GPR161: variants seen among roughly 807,000 people sequenced by gnomAD.
GPR161 encodes the protein G protein-coupled receptor 161.
GPR161 carries 25 observed loss-of-function variants against 39.2 expected under a neutral mutation model. That is an observed-to-expected ratio of 0.64 (90% CI 0.47 to 0.89). The LOEUF (loss-of-function observed/expected upper bound fraction) is 0.89. GPR161 is among the 40% of genes least tolerant of loss of function. The pLI, the probability that GPR161 is intolerant of heterozygous loss-of-function variation, is 0.00. For missense variants in GPR161, 547 were observed against 677.8 expected, an observed-to-expected ratio of 0.81 and a Z score of 2.14; for synonymous variants, 286 against 276.6, an observed-to-expected ratio of 1.03 and a Z score of -0.34.
intron 1 of GPR161, among the ~76,000 whole-genome samples, chr1:168,110,611 A>G (rs530489717): frequency 1.3e-5 from 2 of 151,142 alleles, no homozygotes; most frequent in East Asian, 3.9e-4. Flanking sequence ...CAATAAAACC[A>G]ATACAAGTAA....
intron 1 of GPR161, chr1:168,134,994 C>T: frequency 6.5e-7 from 1 of 1,535,254 alleles, no homozygotes; most frequent in African/African-American, 1.4e-5. Context: ...CCTCTGACCA[C>T]ACAGTGCTCC....
Position 168,085,948 on chromosome 1 carries a change from T to A in GPR161, c.1325-152A>T, listed in dbSNP as rs1056303198. 7.9e-6 allele frequency: 5 copies of A among 629,208 alleles called. No homozygotes were observed. In the African/African-American group the frequency reaches 9.2e-5, roughly 12 times the overall value. The allele number at this position is 629,208 out of a possible 1,614,324, so 39.0% of individuals were successfully genotyped here. On this transcript the variant is annotated intron_variant, in intron 5 of 5. Coordinates refer to ENST00000682931, the MANE Select transcript of GPR161 (RefSeq NM_001375883.1). ...AAAGTTCCATTCCTAGACCAAAAGC[T>A]GACTCCCTGACTTCCTACCTGGGAA...
At chr1:168,113,595 A>T (rs1254405902) in intron 1 of GPR161, among the ~76,000 whole-genome samples, 1 of 152,238 alleles carries the variant, frequency 6.6e-6, no homozygotes, top group African/African-American at 2.4e-5. Flanking sequence ...AGTGCCCATC[A>T]ATGATAGACT....
At chr1:168,137,443 C>T (rs1217793405), upstream of GPR161, 1 of 1,502,592 alleles carries the variant, frequency 6.7e-7, no homozygotes, top group Non-Finnish European at 9.0e-7. Flanking sequence ...CTGCCAGGCT[C>T]TGTCCCGGGC....
At chr1:168,128,662 T>C (rs1698768046) in intron 1 of GPR161, among the ~76,000 whole-genome samples, 1 of 152,338 alleles carries the variant, frequency 6.6e-6, no homozygotes, top group African/African-American at 2.4e-5. Context: ...ATTACTTCTA[T>C]CACAAGATAA....
intron 1 of GPR161, among the ~76,000 whole-genome samples, chr1:168,129,647 A>G (rs561059493): frequency 1.8e-4 from 27 of 152,346 alleles, no homozygotes; most frequent in African/African-American, 6.5e-4. Context: ...AGACGCCAAC[A>G]TTTTGGAGCT....
intron 1 of GPR161, 160 bp from the exon 2 acceptor site, chr1:168,105,054 G>A (rs1489833152): frequency 8.4e-6 from 5 of 598,672 alleles, no homozygotes; most frequent in Middle Eastern, 4.4e-4. Context: ...CGCTACATAA[G>A]TGGGCCATTT....
chr1:168,105,117 G>A (rs566987184), intron 1 of GPR161, among the ~76,000 whole-genome samples: 4 of 152,176 alleles, frequency 2.6e-5, no homozygotes, highest in East Asian at 1.9e-4. Context: ...TTCTTCCTCT[G>A]GTCTAACCCA....
chr1:168,116,089 C>A (rs1347560885), intron 1 of GPR161, among the ~76,000 whole-genome samples: 2 of 152,142 alleles, frequency 1.3e-5, no homozygotes, highest in African/African-American at 2.4e-5. Context: ...AAAATAGTTT[C>A]TTTTATCATA....
chr1:168,135,863 G>T, intron 1 of GPR161: 2 of 219,220 alleles, frequency 9.1e-6, no homozygotes, highest in Non-Finnish European at 1.6e-5. Flanking sequence ...CAAATGACCT[G>T]CTCTATGAAA....
chr1:168,136,366 G>A (rs1699373059), intron 1 of GPR161: 1 of 1,464,028 alleles, frequency 6.8e-7, no homozygotes, highest in South Asian at 1.3e-5. Context: ...CGCATCGGCA[G>A]AGTCCCGGGC....
chr1:168,096,863 AGAG>A lies in GPR161; in HGVS notation c.741_743del (p.Ser249del). ...GAAAGGCATTCCTCCTGCTGCCTGA[AGAG>A]GAGGTGGAGGTGCTGGAGTTCTTCC... On this transcript the variant is annotated inframe_deletion, in exon 3 of 6. Coordinates refer to ENST00000682931, the MANE Select transcript of GPR161 (RefSeq NM_001375883.1). The A allele has an allele frequency of 6.2e-7, 1 of 1,614,144 alleles. No homozygotes were observed. The highest frequency in any genetic ancestry group is 8.5e-7 in the Non-Finnish European group (1 of 1,180,010).
At chr1:168,136,017 A>T (rs1483638846) in intron 1 of GPR161, 11 of 1,228,824 alleles carry the variant, frequency 9.0e-6, no homozygotes, top group African/African-American at 1.6e-5. Flanking sequence ...TACCCAACAG[A>T]CGTTCTCATC....
At position 168,098,067 on chromosome 1, in the gene GPR161, C is replaced by G. The variant is rs1364193312; in HGVS notation, c.375-835G>C. Among the ~76,000 whole-genome samples, 2 of 152,154 alleles carry G rather than the reference C, an allele frequency of 1.3e-5. No homozygotes were observed. The highest frequency in any genetic ancestry group is 4.8e-5 in the African/African-American group (2 of 41,430). Reference sequence around the variant, plus strand: ...CCATTCAAACTGGCAGGCTTCTGGTCCAGCACAGAGGGTCACAGCAGGCTC... The same window carrying G: ...CCATTCAAACTGGCAGGCTTCTGGTGCAGCACAGAGGGTCACAGCAGGCTC... On this transcript the variant is annotated intron_variant, in intron 2 of 5. Coordinates refer to ENST00000682931, the MANE Select transcript of GPR161 (RefSeq NM_001375883.1). The surrounding 1 kb of genome is among the most constrained non-coding windows in gnomAD (Gnocchi z 4.1).
intron 1 of GPR161, among the ~76,000 whole-genome samples, chr1:168,113,926 A>G (rs1697420922): frequency 6.6e-6 from 1 of 152,210 alleles, no homozygotes; most frequent in Admixed American, 6.5e-5. Context: ...AACCCCTGTG[A>G]CATGAGTTTA....
At chr1:168,129,027 A>G (rs963390603) in intron 1 of GPR161, among the ~76,000 whole-genome samples, 3 of 152,224 alleles carry the variant, frequency 2.0e-5, no homozygotes, top group African/African-American at 7.2e-5. Flanking sequence ...AATCTCTCCT[A>G]TCCTGAAGCT....
At chr1:168,102,316 C>A (rs1696180132) in intron 2 of GPR161, among the ~76,000 whole-genome samples, 1 of 152,184 alleles carries the variant, frequency 6.6e-6, no homozygotes. Flanking sequence ...GCACTCACTG[C>A]CAGCCCATCA....
intron 1 of GPR161, among the ~76,000 whole-genome samples, chr1:168,114,044 A>G (rs1175849507): frequency 1.3e-5 from 2 of 152,220 alleles, no homozygotes; most frequent in East Asian, 1.9e-4. Flanking sequence ...TGTGTTTTAT[A>G]AACTGCTTTG....
chr1:168,096,217 A>C (rs1272748053), intron 3 of GPR161, among the ~76,000 whole-genome samples: 1 of 151,520 alleles, frequency 6.6e-6, no homozygotes, highest in Admixed American at 6.6e-5. Context: ...CTGGGGTTTC[A>C]GAAAGCAGAT....
Sources: allele counts gnomAD v4.1 joint callset (sites outside exome capture counted in the v4.1 genomes callset), GRCh38; gene constraint gnomAD v4.1.1; non-coding constraint Gnocchi (gnomAD v3.1); transcripts MANE v1.5; gene names NCBI Gene and HGNC (gene_info 2026-07-23, HGNC 2026-07-21).